Variants in EDNRA observed in about 807,000 individuals in gnomAD.
The protein encoded by EDNRA is endothelin-1 receptor.
EDNRA carries 11 observed loss-of-function variants against 41.4 expected under a neutral mutation model. The observed-to-expected ratio is 0.27, with a 90% CI of 0.17 to 0.44. EDNRA has a LOEUF of 0.44. Ranked by LOEUF, EDNRA falls within the 20% of genes least tolerant of loss-of-function variation. The pLI, the probability that EDNRA is intolerant of heterozygous loss-of-function variation, is 1.00. For missense variants in EDNRA, 294 were observed against 531.0 expected, an observed-to-expected ratio of 0.55 and a Z score of 4.39; for synonymous variants, 172 against 183.0, an observed-to-expected ratio of 0.94 and a Z score of 0.49.
At chr4:147,483,052 G>A (rs1468857144) in intron 1 of EDNRA, among the ~76,000 whole-genome samples, 1 of 152,098 alleles carries the variant, frequency 6.6e-6, no homozygotes, top group Admixed American at 6.5e-5. Context: ...TCTCCCCCCT[G>A]TATCTGTGAT....
At chr4:147,505,215 A>AAG (rs60042535) in intron 2 of EDNRA, among the ~76,000 whole-genome samples, 28 of 134,632 alleles carry the variant, frequency 2.1e-4, no homozygotes, top group Admixed American at 2.9e-4. Flanking sequence ...AAAAAAAAAA[A>AAG]AGAGAGAGAG....
At chr4:147,491,294 A>G (rs1729128148) in intron 2 of EDNRA, 1 of 152,230 alleles carries the variant, frequency 6.6e-6, no homozygotes, top group African/African-American at 2.4e-5. Context: ...ACATAGAGCC[A>G]GTTATCTCCA....
intron 2 of EDNRA, among the ~76,000 whole-genome samples, chr4:147,516,621 T>C (rs1686615238): frequency 6.6e-6 from 1 of 152,188 alleles, no homozygotes; most frequent in Non-Finnish European, 1.5e-5. Flanking sequence ...GTACATAGAC[T>C]CTTGTAGCAA....
intron 2 of EDNRA, among the ~76,000 whole-genome samples, chr4:147,508,943 T>C (rs1729826953): frequency 6.6e-6 from 1 of 152,198 alleles, no homozygotes; most frequent in African/African-American, 2.4e-5. Flanking sequence ...ATCCCTTATA[T>C]TTTTATGTAA....
chr4:147,484,029 AT>A (rs1357514897), intron 1 of EDNRA, among the ~76,000 whole-genome samples: 1 of 152,076 alleles, frequency 6.6e-6, no homozygotes, highest in South Asian at 2.1e-4. Flanking sequence ...CCAGGACTCA[AT>A]TTTTTTAAGA....
chr4:147,483,724 A>AT (rs367755384), intron 1 of EDNRA, among the ~76,000 whole-genome samples: 8,691 of 145,446 alleles, frequency 0.06, 849 homozygotes, highest in African/African-American at 0.2. Context: ...TATTTATTTA[A>AT]TTTTTTTTTT....
At chr4:147,485,569 C>A (rs199950823) in intron 1 of EDNRA, 43 bp from the exon 2 acceptor site, 6 of 1,206,424 alleles carry the variant, frequency 5.0e-6, no homozygotes, top group Non-Finnish European at 6.9e-6. Context: ...ATCTTTTTGG[C>A]AACTGGGTTT....
At position 147,526,604 on chromosome 4, in the gene EDNRA, C is replaced by T. The variant is rs969787098; in HGVS notation, c.549-5902C>T. On this transcript the variant is annotated intron_variant, in intron 3 of 7. Coordinates refer to ENST00000651419, the MANE Select transcript of EDNRA (RefSeq NM_001957.4). ...AGGCCAGCTCAATTTAAGAACTCAACTGAAGAAGTGGTAAAGCATTTGCAG... is the reference window on the plus strand; with the variant it reads ...AGGCCAGCTCAATTTAAGAACTCAATTGAAGAAGTGGTAAAGCATTTGCAG... Among the ~76,000 whole-genome samples the T allele has an allele frequency of 1.1e-4, 16 of 152,178 alleles. No individual in the cohort carries two copies. In the East Asian group the frequency reaches 3.1e-3, roughly 29 times the overall value.
At chr4:147,494,356 A>C (rs1729235216) in intron 2 of EDNRA, 1 of 152,270 alleles carries the variant, frequency 6.6e-6, no homozygotes, top group Non-Finnish European at 1.5e-5. Flanking sequence ...CAATGGGAAA[A>C]GAGAGTGGAA....
At chr4:147,520,909 C>A (rs536224871) in intron 3 of EDNRA, among the ~76,000 whole-genome samples, 1 of 152,260 alleles carries the variant, frequency 6.6e-6, no homozygotes, top group East Asian at 1.9e-4. Context: ...ACTGTTAAAA[C>A]ATAAAAATGT....
Position 147,525,209 on chromosome 4 carries a change from A to G in EDNRA, c.548+5231A>G, listed in dbSNP as rs188837168. Among the ~76,000 whole-genome samples, 4 of 152,370 alleles carry G rather than the reference A, an allele frequency of 2.6e-5. No individual in the cohort carries two copies. The East Asian group carries it at 5.8e-4, about 22-fold the overall frequency. ...ATCAAAGAAAATATCTAGCTTTCTC[A>G]CTATCAGCTTTTAATCTGAATAAGC... On this transcript the variant is annotated intron_variant, in intron 3 of 7. Coordinates refer to ENST00000651419, the MANE Select transcript of EDNRA (RefSeq NM_001957.4).
rs565830147 is a variant in EDNRA, at chr4:147,509,473, C to T, written c.421-10378C>T. 5.9e-5 allele frequency among the ~76,000 whole-genome samples: 9 copies of T among 152,306 alleles called. No homozygotes were observed. In the East Asian group the frequency reaches 1.7e-3, roughly 29 times the overall value. On this transcript the variant is annotated intron_variant, in intron 2 of 7. Transcript: ENST00000651419. ...ATACAACACTGAGAGAACCAGTGAT[C>T]TAGATCAGGGGTCCTCAACCCCCAG...
intron 2 of EDNRA, chr4:147,506,907 A>G (rs1214572760): frequency 3.2e-5 from 5 of 153,980 alleles, no homozygotes; most frequent in African/African-American, 1.2e-4. Context: ...TAAACCTATA[A>G]CTGTTGTAAA....
intron 6 of EDNRA, 114 bp downstream of exon 6, chr4:147,540,064 A>T (rs1731047140): frequency 7.0e-7 from 1 of 1,422,472 alleles, no homozygotes; most frequent in African/African-American, 1.4e-5. Context: ...TTAAAACTGC[A>T]AAGTTGATTT....
At chr4:147,488,508 TAGG>T (rs939349954) in intron 2 of EDNRA, 1 of 151,402 alleles carries the variant, frequency 6.6e-6, no homozygotes, top group Non-Finnish European at 1.5e-5. Context: ...ACATCATAGG[TAGG>T]AGTACATTTG....
intron 2 of EDNRA, chr4:147,495,856 A>G (rs1729284516): frequency 6.6e-6 from 1 of 152,262 alleles, no homozygotes. Context: ...CAGGAGTTAA[A>G]AGGAGGATGT....
At chr4:147,507,215 GGA>G (rs1491250532) in intron 2 of EDNRA, among the ~76,000 whole-genome samples, 22 of 150,188 alleles carry the variant, frequency 1.5e-4, no homozygotes, top group African/African-American at 4.7e-4. Context: ...TTTTGAGGGG[GGA>G]AAAAAAAAAA....
intron 3 of EDNRA, chr4:147,520,350 T>A: frequency 3.9e-6 from 2 of 516,276 alleles, no homozygotes; most frequent in South Asian, 2.8e-5. Flanking sequence ...CAATTATATC[T>A]GTAATGTTTA....
Position 147,542,623 on chromosome 4 carries a change from C to T in EDNRA, c.*5C>T. On this transcript the variant is annotated 3_prime_UTR_variant, in exon 8 of 8. Coordinates refer to ENST00000651419, the MANE Select transcript of EDNRA (RefSeq NM_001957.4). ...CATAAGGACAGCATGAACTGACCAC[C>T]CTTAGAAGCACTCCTCGGTACTCCC... 4 of 1,613,740 alleles carry T rather than the reference C, an allele frequency of 2.5e-6. No individual in the cohort carries two copies. The highest frequency in any genetic ancestry group is 3.4e-6 in the Non-Finnish European group (4 of 1,179,876).
Sources: allele counts gnomAD v4.1 joint callset (sites outside exome capture counted in the v4.1 genomes callset), GRCh38; gene constraint gnomAD v4.1.1; transcripts MANE v1.5; gene names NCBI Gene and HGNC (gene_info 2026-07-23, HGNC 2026-07-21).